Variants in DYNC1I1 observed in about 807,000 individuals in gnomAD.
The protein encoded by DYNC1I1 is cytoplasmic dynein 1 intermediate chain 1.
A neutral mutation model predicts 86.6 loss-of-function variants in DYNC1I1; 43 were observed. That is an observed-to-expected ratio of 0.50 (90% confidence interval 0.39 to 0.64). The LOEUF (loss-of-function observed/expected upper bound fraction) is 0.64. Ranked by LOEUF, DYNC1I1 falls within the 30% of genes least tolerant of loss-of-function variation. The pLI is 0.00. For synonymous variants in DYNC1I1, 262 were observed against 283.7 expected, an observed-to-expected ratio of 0.92 and a Z score of 0.77; for missense variants, 604 against 788.8, an observed-to-expected ratio of 0.77 and a Z score of 2.81.
At chr7:95,864,410 C>T (rs1433789713) in intron 5 of DYNC1I1, among the ~76,000 whole-genome samples, 1 of 152,110 alleles carries the variant, frequency 6.6e-6, no homozygotes, top group Non-Finnish European at 1.5e-5. Flanking sequence ...ATTTTTTATT[C>T]TTTAGTAAGA....
At chr7:95,980,219 A>G (rs1342333994) in intron 7 of DYNC1I1, among the ~76,000 whole-genome samples, 2 of 152,198 alleles carry the variant, frequency 1.3e-5, no homozygotes, top group Non-Finnish European at 2.9e-5. Flanking sequence ...TTCCTGCTGC[A>G]CTGTATGCCT....
chr7:95,981,280 C>A (rs1175925236), intron 7 of DYNC1I1, among the ~76,000 whole-genome samples: 2 of 151,832 alleles, frequency 1.3e-5, no homozygotes, highest in African/African-American at 4.8e-5. Context: ...GAGAAACTGA[C>A]AAAGTATACA....
intron 9 of DYNC1I1, among the ~76,000 whole-genome samples, chr7:95,994,077 G>C (rs766690148): frequency 6.6e-6 from 1 of 152,076 alleles, no homozygotes; most frequent in Non-Finnish European, 1.5e-5. Flanking sequence ...TCACTATAGA[G>C]TCCTTCTTGT....
intron 16 of DYNC1I1, among the ~76,000 whole-genome samples, chr7:96,080,796 G>A (rs1349929265): frequency 6.6e-6 from 1 of 152,134 alleles, no homozygotes; most frequent in Non-Finnish European, 1.5e-5. Flanking sequence ...TAGAGGCTGG[G>A]TGCGGTGCCT....
chr7:95,903,046 C>T (rs1478782578), intron 6 of DYNC1I1, among the ~76,000 whole-genome samples: 3 of 152,122 alleles, frequency 2.0e-5, no homozygotes, highest in Non-Finnish European at 4.4e-5. Context: ...TGTTAATGGG[C>T]ATGAGATAGC....
chr7:95,848,857 A>G (rs6975635), intron 5 of DYNC1I1, among the ~76,000 whole-genome samples: 91,565 of 151,946 alleles, frequency 0.6, 29,928 homozygotes, highest in Non-Finnish European at 0.75. Flanking sequence ...GTGTGCAAGG[A>G]TTCCCTTTTC....
At chr7:95,962,245 A>G (rs1792890141) in intron 6 of DYNC1I1, among the ~76,000 whole-genome samples, 1 of 152,142 alleles carries the variant, frequency 6.6e-6, no homozygotes, top group African/African-American at 2.4e-5. Flanking sequence ...CTGACTGCCC[A>G]TTCTGATGAC....
At chr7:95,832,911 T>C (rs1017114119) in intron 5 of DYNC1I1, among the ~76,000 whole-genome samples, 107 of 152,244 alleles carry the variant, frequency 7.0e-4, no homozygotes, top group African/African-American at 2.4e-3. Context: ...TTCTCCCATT[T>C]TGTAGGTTGC....
chr7:95,868,088 C>T (rs1364129519), intron 5 of DYNC1I1, among the ~76,000 whole-genome samples: 1 of 152,168 alleles, frequency 6.6e-6, no homozygotes, highest in Non-Finnish European at 1.5e-5. Flanking sequence ...AGGTTTGTCA[C>T]TTGTGCAAAG....
chr7:96,103,859 G>A (rs190355283), intron 16 of DYNC1I1, among the ~76,000 whole-genome samples: 88 of 152,224 alleles, frequency 5.8e-4, no homozygotes, highest in African/African-American at 1.9e-3. Flanking sequence ...TGATCCACCC[G>A]CCTCAGCCTC....
rs1354447037 is a variant in DYNC1I1 at position 95,772,737 on chromosome 7, C to G, written c.-46C>G. On this transcript the variant is annotated 5_prime_UTR_variant, in exon 1 of 17. Transcript: ENST00000447467. ...CGCCGCCCAGGAGCCGCCGCCGGCT[C>G]GGGGAGCCCAGTTCCGCCGCTGCCG... The G allele has an allele frequency of 2.6e-5, 4 of 152,798 alleles. No homozygotes were observed. Among genetic ancestry groups the G allele is most frequent in the East Asian group, 3.9e-4 (2 of 5,146 alleles). 9.5% of individuals were successfully genotyped at this position (152,798 alleles called of 1,614,324 possible). A position where few individuals can be genotyped will look rare whatever the true frequency, so the allele number is the denominator to read the frequency against.
At chr7:96,102,548 T>C (rs887408287), downstream of DYNC1I1, among the ~76,000 whole-genome samples, 1 of 152,318 alleles carries the variant, frequency 6.6e-6, no homozygotes, top group Non-Finnish European at 1.5e-5. Flanking sequence ...TAAGCCTCTT[T>C]GGTTTTTGAA....
At chr7:95,787,759 C>A (rs1794187928) in intron 1 of DYNC1I1, among the ~76,000 whole-genome samples, 1 of 152,042 alleles carries the variant, frequency 6.6e-6, no homozygotes, top group African/African-American at 2.4e-5. Context: ...AATGTTAAGT[C>A]TAATATATAT....
chr7:95,829,202 C>T (rs1795267304), intron 5 of DYNC1I1, among the ~76,000 whole-genome samples: 1 of 152,060 alleles, frequency 6.6e-6, no homozygotes, highest in African/African-American at 2.4e-5. Context: ...GTTTCAATGC[C>T]TACTGTAGGT....
chr7:95,972,596 T>C (rs1277754759), intron 6 of DYNC1I1, among the ~76,000 whole-genome samples: 1 of 152,154 alleles, frequency 6.6e-6, no homozygotes, highest in African/African-American at 2.4e-5. Context: ...CATTATACTG[T>C]ATTGCCAAAC....
chr7:95,959,577 A>G (rs984539322), intron 6 of DYNC1I1, among the ~76,000 whole-genome samples: 4 of 152,228 alleles, frequency 2.6e-5, no homozygotes, highest in African/African-American at 7.2e-5. Context: ...GTTAGGATCC[A>G]GGAAGAAGAT....
chr7:95,899,384 C>A (rs1214185356), intron 6 of DYNC1I1, among the ~76,000 whole-genome samples: 1 of 152,090 alleles, frequency 6.6e-6, no homozygotes, highest in African/African-American at 2.4e-5. Context: ...CTCCATGGGC[C>A]ATGAAATCTG....
intron 6 of DYNC1I1, among the ~76,000 whole-genome samples, chr7:95,921,250 A>G (rs1459527399): frequency 2.0e-5 from 3 of 152,224 alleles, no homozygotes; most frequent in African/African-American, 7.2e-5. Context: ...TTTACCCTGC[A>G]TATTGATAAA....
intron 1 of DYNC1I1, among the ~76,000 whole-genome samples, chr7:95,802,356 A>C (rs947152976): frequency 6.6e-6 from 1 of 152,146 alleles, no homozygotes; most frequent in African/African-American, 2.4e-5. Flanking sequence ...TCGCTAATGC[A>C]CATTCTCTAC....
Sources: gnomAD v4.1 joint callset for allele counts (sites outside exome capture counted in the v4.1 genomes callset) on GRCh38, gnomAD v4.1.1 for gene constraint, MANE v1.5 for transcripts, NCBI Gene and HGNC (gene_info 2026-07-23, HGNC 2026-07-21) for gene names.